Variants in PABPC4L observed in about 807,000 individuals in gnomAD.
PABPC4L encodes poly(A) binding protein cytoplasmic 4 like, also known as polyadenylate-binding protein 4-like.
For missense variants in PABPC4L, 452 were observed against 451.4 expected (o/e 1.00, Z -0.01); for synonymous variants, 169 against 164.1 (o/e 1.03, Z -0.23).
At chr4:134,059,934 G>A in the PABPC4L span, among the ~76,000 whole-genome samples, 1 of 152,078 alleles carries the variant, frequency 6.6e-6, no homozygotes, top group Non-Finnish European at 1.5e-5. Context: ...TCTAAAAGAA[G>A]CACTGAAAAG....
At chr4:134,142,180 G>T in the PABPC4L span, among the ~76,000 whole-genome samples, 1 of 151,564 alleles carries the variant, frequency 6.6e-6, no homozygotes. Context: ...AGTAGTTCTT[G>T]GGCAGTAGCA....
the PABPC4L span, among the ~76,000 whole-genome samples, chr4:134,186,250 C>T: frequency 6.6e-6 from 1 of 152,070 alleles, no homozygotes; most frequent in Admixed American, 6.6e-5. Flanking sequence ...GCCAAAAGAA[C>T]AAAGCTGGAG....
Position 134,199,289 on chromosome 4 carries a change from A to C in PABPC4L, c.*618T>G, listed in dbSNP as rs1029405137. ...CACATAAAGCCAGTTTTTAGGCAAC[A>C]TTAAAAACTTCCATCATCTTAATTT... On this transcript the variant is annotated 3_prime_UTR_variant, in exon 2 of 2. Transcript: ENST00000421491. 6.6e-6 allele frequency: 1 copy of C among 152,194 alleles called. No homozygotes were observed. Among genetic ancestry groups the C allele is most frequent in the African/African-American group, 2.4e-5 (1 of 41,466 alleles). 9.4% of individuals were successfully genotyped at this position (152,194 alleles called of 1,614,324 possible).
At chr4:134,109,727 T>C in the PABPC4L span, among the ~76,000 whole-genome samples, 2 of 151,912 alleles carry the variant, frequency 1.3e-5, no homozygotes, top group African/African-American at 4.8e-5. Flanking sequence ...AAATCAAAGA[T>C]TTTATTATCC....
chr4:134,008,204 C>T, the PABPC4L span, among the ~76,000 whole-genome samples: 1 of 151,824 alleles, frequency 6.6e-6, no homozygotes, highest in South Asian at 2.1e-4. Context: ...TTTTAAACTG[C>T]ATATACAGTG....
At chr4:134,178,528 G>C in the PABPC4L span, among the ~76,000 whole-genome samples, 10 of 152,042 alleles carry the variant, frequency 6.6e-5, no homozygotes, top group African/African-American at 2.2e-4. Context: ...CACCAGCAAT[G>C]GTTCTTAACC....
the PABPC4L span, among the ~76,000 whole-genome samples, chr4:134,164,489 C>T: frequency 1.3e-5 from 2 of 151,890 alleles, no homozygotes; most frequent in Non-Finnish European, 2.9e-5. Flanking sequence ...CAACAGCAAC[C>T]AAGCTGAGAA....
the PABPC4L span, among the ~76,000 whole-genome samples, chr4:134,025,415 T>G: frequency 6.6e-6 from 1 of 151,992 alleles, no homozygotes; most frequent in Admixed American, 6.6e-5. Context: ...TTGGAAAATT[T>G]ACTCCAAGAA....
At chr4:134,021,915 A>C in the PABPC4L span, among the ~76,000 whole-genome samples, 1 of 152,150 alleles carries the variant, frequency 6.6e-6, no homozygotes, top group Non-Finnish European at 1.5e-5. Flanking sequence ...AATGAGCTTC[A>C]TGTAAAATAA....
At chr4:134,000,319 T>C in the PABPC4L span, among the ~76,000 whole-genome samples, 2 of 152,080 alleles carry the variant, frequency 1.3e-5, no homozygotes, top group Admixed American at 6.6e-5. Flanking sequence ...ACAGAAAATA[T>C]AACATTTGAA....
chr4:134,076,657 A>G, the PABPC4L span, among the ~76,000 whole-genome samples: 2 of 152,164 alleles, frequency 1.3e-5, no homozygotes, highest in African/African-American at 2.4e-5. Context: ...CCAAAGGCTC[A>G]GCTTTGGAGG....
At chr4:134,050,950 C>T in the PABPC4L span, among the ~76,000 whole-genome samples, 5 of 149,038 alleles carry the variant, frequency 3.4e-5, no homozygotes, top group Non-Finnish European at 5.9e-5. Context: ...GTTGACATTG[C>T]TCTTCACCTA....
the PABPC4L span, among the ~76,000 whole-genome samples, chr4:134,051,338 G>C: frequency 6.6e-6 from 1 of 152,066 alleles, no homozygotes; most frequent in Non-Finnish European, 1.5e-5. Context: ...TCACAGATAG[G>C]GAAAGAGTCT....
the PABPC4L span, among the ~76,000 whole-genome samples, chr4:134,099,179 A>G: frequency 6.6e-6 from 1 of 151,730 alleles, no homozygotes; most frequent in African/African-American, 2.4e-5. Flanking sequence ...AATATTTTAA[A>G]ATATACGTGG....
the PABPC4L span, among the ~76,000 whole-genome samples, chr4:134,151,733 A>G: frequency 6.6e-6 from 1 of 151,992 alleles, no homozygotes; most frequent in Non-Finnish European, 1.5e-5. Flanking sequence ...GTAAAATTTT[A>G]TCATGTATTT....
chr4:134,074,522 C>A, the PABPC4L span, among the ~76,000 whole-genome samples: 1 of 152,196 alleles, frequency 6.6e-6, no homozygotes, highest in Admixed American at 6.5e-5. Context: ...ACTGTCCTAA[C>A]CTCTGCCTGT....
the PABPC4L span, among the ~76,000 whole-genome samples, chr4:134,113,129 C>A: frequency 1.3e-5 from 2 of 151,748 alleles, no homozygotes; most frequent in Non-Finnish European, 2.9e-5. Context: ...GTGTTTTAAG[C>A]TAAGTGTTAT....
At chr4:134,189,091 G>A in the PABPC4L span, among the ~76,000 whole-genome samples, 2 of 151,880 alleles carry the variant, frequency 1.3e-5, no homozygotes, top group Non-Finnish European at 2.9e-5. Flanking sequence ...GGCCATCAAA[G>A]GCATTCTTCA....
At chr4:134,099,515 G>A in the PABPC4L span, among the ~76,000 whole-genome samples, 3 of 151,612 alleles carry the variant, frequency 2.0e-5, no homozygotes, top group Admixed American at 6.6e-5. Flanking sequence ...AATTCCAGAT[G>A]ATACAAAAAC....
Sources: gnomAD v4.1 joint callset for allele counts (sites outside exome capture counted in the v4.1 genomes callset) on GRCh38, gnomAD v4.1.1 for gene constraint, MANE v1.5 for transcripts, NCBI Gene and HGNC (gene_info 2026-07-23, HGNC 2026-07-21) for gene names.